CCDC181: variants seen among roughly 807,000 people sequenced by gnomAD.
CCDC181 encodes coiled-coil domain-containing protein 181.
In CCDC181, 35 loss-of-function variants were observed where a neutral mutation model predicts 58.7. The observed-to-expected ratio is 0.60, with a 90% confidence interval of 0.46 to 0.79. The LOEUF (loss-of-function observed/expected upper bound fraction) is 0.79. Ranked by LOEUF, CCDC181 falls within the 30% of genes least tolerant of loss-of-function variation. CCDC181 has a pLI of 0.00. For missense variants in CCDC181, 517 were observed against 583.9 expected, an observed-to-expected ratio of 0.89 and a Z score of 1.18; for synonymous variants, 183 against 197.5, an observed-to-expected ratio of 0.93 and a Z score of 0.62.
At chr1:169,456,155 C>T (rs2101762192) in intron 2 of CCDC181, among the ~76,000 whole-genome samples, 1 of 152,146 alleles carries the variant, frequency 6.6e-6, no homozygotes, top group East Asian at 1.9e-4. Context: ...TCCTTTCTTC[C>T]TCCCTTTTTG....
intron 4 of CCDC181, among the ~76,000 whole-genome samples, chr1:169,409,121 C>T (rs1270718602): frequency 6.6e-6 from 1 of 152,086 alleles, no homozygotes; most frequent in Non-Finnish European, 1.5e-5. Flanking sequence ...TAACACAATG[C>T]AAGGAAGCTA....
At chr1:169,445,890 T>C (rs12730053) in intron 2 of CCDC181, among the ~76,000 whole-genome samples, 40,313 of 152,066 alleles carry the variant, frequency 0.27, 6,707 homozygotes, top group Non-Finnish European at 0.38. Flanking sequence ...TGCATAGAGC[T>C]GTTCATATTA....
chr1:169,411,458 T>C (rs1191421925), intron 4 of CCDC181, among the ~76,000 whole-genome samples: 1 of 152,038 alleles, frequency 6.6e-6, no homozygotes, highest in Admixed American at 6.5e-5. Context: ...CTATCAGCAG[T>C]ACAAAGAGGA....
intron 2 of CCDC181, among the ~76,000 whole-genome samples, chr1:169,445,495 C>T (rs183718023): frequency 8.5e-5 from 13 of 152,250 alleles, no homozygotes; most frequent in Admixed American, 7.2e-4. Context: ...AATCTCATTT[C>T]GTAGTGGCAT....
chr1:169,423,974 T>C (rs1656607212), intron 2 of CCDC181, among the ~76,000 whole-genome samples: 1 of 151,980 alleles, frequency 6.6e-6, no homozygotes, highest in African/African-American at 2.4e-5. Context: ...CATTTCCTCA[T>C]AGTCTTTTCC....
chr1:169,436,981 A>G (rs962712027), intron 2 of CCDC181, among the ~76,000 whole-genome samples: 1 of 152,098 alleles, frequency 6.6e-6, no homozygotes, highest in African/African-American at 2.4e-5. Flanking sequence ...TGTTGACATC[A>G]GAGCTGACAT....
At chr1:169,451,761 G>A (rs541994537) in intron 2 of CCDC181, among the ~76,000 whole-genome samples, 15 of 151,890 alleles carry the variant, frequency 9.9e-5, no homozygotes, top group Non-Finnish European at 2.2e-4. Context: ...CATGAAAATT[G>A]TAGAGAAATT....
intron 5 of CCDC181, among the ~76,000 whole-genome samples, 186 bp from the exon 6 acceptor site, chr1:169,395,392 C>T (rs563134351): frequency 4.6e-5 from 7 of 152,214 alleles, no homozygotes; most frequent in African/African-American, 9.6e-5. Flanking sequence ...AAGAAAGGAC[C>T]GTTAGATTTG....
intron 1 of CCDC181, among the ~76,000 whole-genome samples, chr1:169,425,716 C>A (rs1038944220): frequency 2.6e-5 from 4 of 152,072 alleles, no homozygotes; most frequent in African/African-American, 9.6e-5. Context: ...AAAAATAGTA[C>A]TTTTCACAGT....
upstream of CCDC181, among the ~76,000 whole-genome samples, chr1:169,429,460 A>G (rs1656846439): frequency 6.6e-6 from 1 of 152,106 alleles, no homozygotes; most frequent in Admixed American, 6.5e-5. Context: ...CCATGCCAAC[A>G]TCTGTTGTTT....
chr1:169,440,433 C>T (rs899851739), intron 2 of CCDC181, among the ~76,000 whole-genome samples: 1 of 152,180 alleles, frequency 6.6e-6, no homozygotes, highest in East Asian at 1.9e-4. Flanking sequence ...CACACAGAGC[C>T]GGCTGTATGG....
At chr1:169,402,119 AGAAAT>A (rs1655388247) in intron 4 of CCDC181, among the ~76,000 whole-genome samples, 1 of 152,222 alleles carries the variant, frequency 6.6e-6, no homozygotes, top group African/African-American at 2.4e-5. Context: ...AAGGGTAAAA[AGAAAT>A]GAACAAAGCC....
At chr1:169,449,247 G>C (rs888614055) in intron 2 of CCDC181, among the ~76,000 whole-genome samples, 1 of 152,104 alleles carries the variant, frequency 6.6e-6, no homozygotes, top group African/African-American at 2.4e-5. Context: ...TCAGATACTA[G>C]GAACTGAGGT....
At chr1:169,452,320 C>T (rs1657563408) in intron 2 of CCDC181, among the ~76,000 whole-genome samples, 1 of 152,098 alleles carries the variant, frequency 6.6e-6, no homozygotes, top group South Asian at 2.1e-4. Context: ...CTGCTGTTGA[C>T]AGGTGAAATA....
intron 4 of CCDC181, among the ~76,000 whole-genome samples, chr1:169,411,997 C>T (rs1019472964): frequency 6.6e-6 from 1 of 152,176 alleles, no homozygotes; most frequent in East Asian, 1.9e-4. Flanking sequence ...CTCACCACTC[C>T]TATTCAACAT....
intron 4 of CCDC181, among the ~76,000 whole-genome samples, chr1:169,404,532 T>G (rs1655540726): frequency 1.3e-5 from 2 of 152,130 alleles, no homozygotes; most frequent in African/African-American, 2.4e-5. Context: ...ACGTAATCCA[T>G]CATCTAAACA....
chr1:169,403,769 A>G (rs934196835), intron 4 of CCDC181, among the ~76,000 whole-genome samples: 3 of 152,230 alleles, frequency 2.0e-5, no homozygotes, highest in Admixed American at 1.3e-4. Flanking sequence ...ACAAGAGCAA[A>G]CACATTCAAA....
intron 2 of CCDC181, among the ~76,000 whole-genome samples, chr1:169,445,342 G>C (rs146687293): frequency 6.6e-6 from 1 of 151,868 alleles, no homozygotes; most frequent in Non-Finnish European, 1.5e-5. Context: ...GAGAGATTTT[G>C]TCATGAATGA....
chr1:169,418,113 G>A (rs1396973969), intron 4 of CCDC181, among the ~76,000 whole-genome samples: 3 of 152,044 alleles, frequency 2.0e-5, no homozygotes, highest in Non-Finnish European at 2.9e-5. Context: ...CATCTTTAAC[G>A]AAACATTTCA....
Sources: gnomAD v4.1 joint callset for allele counts (sites outside exome capture counted in the v4.1 genomes callset) on GRCh38, gnomAD v4.1.1 for gene constraint, MANE v1.5 for transcripts, NCBI Gene and HGNC (gene_info 2026-07-23, HGNC 2026-07-21) for gene names.